The following DCLK2 variants were observed in gnomAD, a reference collection of about 807,000 sequenced individuals.
The protein encoded by DCLK2 is serine/threonine-protein kinase DCLK2.
A neutral mutation model predicts 78.4 loss-of-function variants in DCLK2; 31 were observed. The observed-to-expected ratio is 0.40, with a 90% CI of 0.30 to 0.53. The LOEUF (loss-of-function observed/expected upper bound fraction) is 0.53, where lower values mean the gene tolerates loss of function less well. DCLK2 is among the 20% of genes least tolerant of loss of function. The probability of loss-of-function intolerance (pLI) is 0.61; values close to 1 mark genes in which losing one functional copy is unlikely to be tolerated. For missense variants in DCLK2, 872 were observed against 973.7 expected (o/e 0.90, Z 1.39); for synonymous variants, 407 against 374.9 (o/e 1.09, Z -0.99).
intron 11 of DCLK2, 134 bp from the exon 12 acceptor site, chr4:150,240,265 C>G: frequency 1.3e-6 from 1 of 760,596 alleles, no homozygotes; most frequent in South Asian, 2.1e-5. Context: ...ATTCATTCAT[C>G]TCTATGTGAA....
At chr4:150,163,590 T>A (rs1735861817) in intron 2 of DCLK2, among the ~76,000 whole-genome samples, 1 of 152,178 alleles carries the variant, frequency 6.6e-6, no homozygotes, top group East Asian at 1.9e-4. Flanking sequence ...GTCTATACTA[T>A]GAAGAAAATT....
chr4:150,080,920 T>G (rs995401270), intron 1 of DCLK2, among the ~76,000 whole-genome samples: 2 of 152,186 alleles, frequency 1.3e-5, no homozygotes, highest in Non-Finnish European at 2.9e-5. Context: ...AAGGGCTTCT[T>G]GAGGAGGTAA....
chr4:150,123,973 GA>G (rs1732749814), intron 2 of DCLK2, among the ~76,000 whole-genome samples: 1 of 151,380 alleles, frequency 6.6e-6, no homozygotes. Context: ...CTGGGAAGCA[GA>G]AGTTGCAGTC....
intron 14 of DCLK2, 141 bp from the exon 15 acceptor site, chr4:150,249,427 C>T: frequency 2.9e-6 from 2 of 694,080 alleles, no homozygotes; most frequent in Admixed American, 4.1e-5. Context: ...ATCATTGTTT[C>T]CCTAATTCTG....
rs1327523541 is a variant in DCLK2 at position 150,175,011 on chromosome 4, A to AAT, written c.757-18106_757-18105dup. 8.0e-4 allele frequency among the ~76,000 whole-genome samples: 8 copies of AAT among 9,974 alleles called. 2 individuals carry two copies. The highest frequency in any genetic ancestry group is 2.1e-3 in the African/African-American group (8 of 3,790). 6.5% of individuals were successfully genotyped at this position (9,974 alleles called of 152,430 possible). ...AGACTCCGTCGCAAAAAAAAAAAAA[A>AAT]ATATATATATATATATATATATTTA... On this transcript the variant is annotated intron_variant, in intron 2 of 15. Coordinates refer to ENST00000296550, the MANE Select transcript of DCLK2 (RefSeq NM_001040260.4).
At position 150,220,755 on chromosome 4, in the gene DCLK2, T is replaced by A; in HGVS notation, c.1109T>A (p.Leu370His). 1.2e-6 allele frequency: 2 copies of A among 1,613,974 alleles called. No individual in the cohort carries two copies. The highest frequency in any genetic ancestry group is 1.7e-6 in the Non-Finnish European group (2 of 1,179,908). Residue 370 changes from leucine (L) to histidine (H), a missense_variant, in exon 6 of 16, where the codon CTT (leucine) becomes CAT (histidine). By Grantham distance (99) the Leu-to-His change is moderately conservative. This residue lies in a region of DCLK2 where 567 missense variants were observed against 593.4 expected (regional missense o/e 0.96). Transcript: ENST00000296550. ...TCCAATGTAAACGGTGGACCTGAGC[T>A]TGACCGTTGCATAAGTCCTGAAGGT... is the stretch of plus-strand genomic sequence containing the variant. ...SSSNVNGGPE[L>H]DRCISPEGVN... is the part of the protein sequence containing the mutation.
chr4:150,199,995 G>A (rs1169416540), intron 4 of DCLK2, among the ~76,000 whole-genome samples: 3 of 152,130 alleles, frequency 2.0e-5, no homozygotes, highest in African/African-American at 7.2e-5. Context: ...TCTAGCCTGG[G>A]CAATGTAGCA....
At chr4:150,154,089 G>A (rs764730698) in intron 2 of DCLK2, among the ~76,000 whole-genome samples, 7 of 152,328 alleles carry the variant, frequency 4.6e-5, no homozygotes, top group East Asian at 3.9e-4. Flanking sequence ...ATGGTTCCCC[G>A]ATGAAAAAGT....
intron 2 of DCLK2, among the ~76,000 whole-genome samples, chr4:150,134,047 C>G (rs937190534): frequency 4.1e-5 from 6 of 147,528 alleles, no homozygotes; most frequent in African/African-American, 1.5e-4. Flanking sequence ...AAAGCATTCT[C>G]TCCTGCATGT....
At chr4:150,228,178 A>G (rs892046637) in intron 8 of DCLK2, among the ~76,000 whole-genome samples, 11 of 152,226 alleles carry the variant, frequency 7.2e-5, no homozygotes, top group African/African-American at 2.4e-4. Context: ...ATCCAGGGTT[A>G]TCTCTCCACT....
chr4:150,082,670 C>T (rs1469840182), intron 1 of DCLK2, among the ~76,000 whole-genome samples: 1 of 152,164 alleles, frequency 6.6e-6, no homozygotes, highest in East Asian at 1.9e-4. Flanking sequence ...GACTGTGGCT[C>T]TTAATCAATA....
intron 1 of DCLK2, among the ~76,000 whole-genome samples, chr4:150,101,465 A>G (rs1730886054): frequency 6.6e-6 from 1 of 152,108 alleles, no homozygotes; most frequent in Admixed American, 6.6e-5. Flanking sequence ...TATTTATAAT[A>G]TTTAAGGTTC....
At chr4:150,213,577 A>G (rs917991886) in intron 5 of DCLK2, among the ~76,000 whole-genome samples, 12 of 152,180 alleles carry the variant, frequency 7.9e-5, no homozygotes, top group Admixed American at 6.5e-4. Flanking sequence ...ATGCAAATCT[A>G]TTTACAAGTA....
intron 5 of DCLK2, among the ~76,000 whole-genome samples, chr4:150,212,115 T>C (rs933984145): frequency 6.6e-6 from 1 of 152,184 alleles, no homozygotes; most frequent in Non-Finnish European, 1.5e-5. Context: ...GATGCTGAAG[T>C]GTATGCCTGG....
intron 12 of DCLK2, among the ~76,000 whole-genome samples, chr4:150,245,193 A>C (rs1743210253): frequency 6.6e-6 from 1 of 152,228 alleles, no homozygotes; most frequent in Non-Finnish European, 1.5e-5. Context: ...AAAAGGAAAG[A>C]AAACATTTTG....
At chr4:150,106,075 C>G (rs559028506) in intron 2 of DCLK2, among the ~76,000 whole-genome samples, 1 of 151,928 alleles carries the variant, frequency 6.6e-6, no homozygotes, top group Non-Finnish European at 1.5e-5. Context: ...AAAAAAAGAT[C>G]TTTTAAGACT....
chr4:150,182,228 G>A (rs1274073948), intron 2 of DCLK2, among the ~76,000 whole-genome samples: 2 of 151,866 alleles, frequency 1.3e-5, no homozygotes, highest in South Asian at 2.1e-4. Context: ...TTGATTTTCT[G>A]TAGAAACAAA....
intron 1 of DCLK2, among the ~76,000 whole-genome samples, chr4:150,094,252 C>T (rs1730304866): frequency 6.6e-6 from 1 of 152,128 alleles, no homozygotes; most frequent in Non-Finnish European, 1.5e-5. Flanking sequence ...AACAAATCAA[C>T]AGAGTGAAAA....
chr4:150,223,799 C>T (rs370638032), intron 7 of DCLK2, among the ~76,000 whole-genome samples: 1 of 151,390 alleles, frequency 6.6e-6, no homozygotes, highest in Non-Finnish European at 1.5e-5. Context: ...TATATCCATG[C>T]GAATGATCTC....
Sources: gnomAD v4.1 joint callset for allele counts (sites outside exome capture counted in the v4.1 genomes callset) on GRCh38, gnomAD v4.1.1 for gene constraint, gnomAD v4.1.1 regional missense constraint, MANE v1.5 for transcripts, NCBI Gene and HGNC (gene_info 2026-07-23, HGNC 2026-07-21) for gene names.